Variants in ABCA2 observed in about 807,000 individuals in gnomAD.
ABCA2 encodes ATP-binding cassette sub-family A member 2.
A neutral mutation model predicts 262.8 loss-of-function variants in ABCA2; 84 were observed. That is an observed-to-expected ratio of 0.32 (90% CI 0.27 to 0.38). The LOEUF (loss-of-function observed/expected upper bound fraction) is 0.38. ABCA2 is among the 10% of genes least tolerant of loss of function. The pLI is 1.00. For missense variants in ABCA2, 2,662 were observed against 3,405.9 expected (o/e 0.78, Z 5.44); for synonymous variants, 1,696 against 1,502.9 (o/e 1.13, Z -2.97).
Position 137,020,612 on chromosome 9 carries a change from TCCAGAG to T in ABCA2, c.1265+76_1265+81del, listed in dbSNP as rs888041007. 7 of 1,562,296 alleles carry T rather than the reference TCCAGAG, an allele frequency of 4.5e-6. No individual in the cohort carries two copies. In the South Asian group the frequency reaches 7.0e-5, roughly 16 times the overall value. ...ACAGGGCAGGGCGCCAAATGAGACC[TCCAGAG>T]CCAGAGCCTAGATTCAGGGCTCACG... On this transcript the variant is annotated intron_variant, in intron 9 of 48. Coordinates refer to ENST00000341511, the MANE Select transcript of ABCA2 (RefSeq NM_001606.5).
rs1002248853 is a variant in ABCA2, at chr9:137,012,503, C to A, written c.5169G>T (p.Ala1723=). ...TRAPPMVRKI[A]VRRAAQVFYN... is the part of the protein sequence containing the mutation. ...CGCTCACCTGGGCAGCCCTGCGCAC[C>A]GCGATCTTCCGCACCATGGGTGGGG... Residue 1723 remains alanine, a synonymous_variant, in exon 32 of 49, where the codon GCG becomes GCT. Transcript: ENST00000341511. 6.2e-7 allele frequency: 1 copy of A among 1,611,614 alleles called. No individual in the cohort carries two copies.
Position 137,013,289 on chromosome 9 carries a change from TG to T in ABCA2, c.4579del (p.Gln1527SerfsTer4). On this transcript the variant is annotated frameshift_variant, in exon 30 of 49. Transcript: ENST00000341511. LOFTEE classifies it high-confidence loss of function. ...RLRLSPDASP[Q>X]QLVSTFRLPS... Reference sequence around the variant, plus strand: ...CAGCCGGAACGTGCTCACGAGCTGCTGGGGGCTGGCGTCGGGCGATAGCCGC... The same window carrying T: ...CAGCCGGAACGTGCTCACGAGCTGCTGGGGCTGGCGTCGGGCGATAGCCGC... 6.3e-7 allele frequency: 1 copy of T among 1,575,152 alleles called. No homozygotes were observed. Among genetic ancestry groups the T allele is most frequent in the Non-Finnish European group, 8.6e-7 (1 of 1,166,642 alleles).
chr9:137,028,789 G>T, upstream of ABCA2: 1 of 1,293,722 alleles, frequency 7.7e-7, no homozygotes, highest in Non-Finnish European at 1.0e-6. This position sits in a 1 kb window ranked among gnomAD's most constrained non-coding sequence, Gnocchi z 6.9. Context: ...GGGGAAACTC[G>T]AGGCCCCAGG....
At position 137,017,110 on chromosome 9, in the gene ABCA2, C is replaced by A; in HGVS notation, c.2568G>T (p.Thr856=). 5 of 1,612,626 alleles carry A rather than the reference C, an allele frequency of 3.1e-6. No homozygotes were observed. Among genetic ancestry groups the A allele is most frequent in the South Asian group, 1.1e-5 (1 of 91,058 alleles). The change falls in exon 19 of 49, where the codon ACG becomes ACT. Residue 856 remains threonine, a synonymous_variant. Transcript: ENST00000341511. ...ACTTAGAGCCCAGACCAAAGGCCGT[C>A]GTGGACATGAGGGACTGAGAAGGCA... is the stretch of plus-strand genomic sequence containing the variant. The part of the protein sequence containing the change: ...FEKCIASLMS[T]TAFGLGSKYF...
chr9:137,012,625 G>A lies in ABCA2; in HGVS notation c.5082-35C>T, dbSNP rs770361430. The A allele has an allele frequency of 1.9e-6, 3 of 1,609,938 alleles. No homozygotes were observed. The East Asian group carries it at 6.7e-5, about 36-fold the overall frequency. On this transcript the variant is annotated intron_variant, in intron 31 of 48. Transcript: ENST00000341511. Reference sequence around the variant, plus strand: ...CAGGTGGGAGGGGCGGTGAGGCTAGGCAGGCAGTGAGGCTAGAGGGGCAGG... The same window carrying A: ...CAGGTGGGAGGGGCGGTGAGGCTAGACAGGCAGTGAGGCTAGAGGGGCAGG...
At chr9:137,023,742 T>G in intron 3 of ABCA2, 96 bp downstream of exon 3, 2 of 714,476 alleles carry the variant, frequency 2.8e-6, no homozygotes, top group Non-Finnish European at 5.2e-6. Context: ...GGGAGGGCTG[T>G]TAATGCAAGC....
chr9:137,016,629 G>C lies in ABCA2; in HGVS notation c.2868C>G (p.Pro956=). Residue 956 remains proline (P), a synonymous_variant, in exon 20 of 49, where the codon CCC becomes CCG. Transcript: ENST00000341511. ...WEWSWPWART[P]RLSVMEEDQA... ...GGTCCTCCTCCATGACACTGAGGCG[G>C]GGGGTGCGTGCCCACGGCCAGCTCC... 1.9e-6 allele frequency: 3 copies of C among 1,611,392 alleles called. No individual in the cohort carries two copies. The highest frequency in any genetic ancestry group is 2.5e-6 in the Non-Finnish European group (3 of 1,179,524).
chr9:137,014,933 C>G lies in ABCA2; in HGVS notation c.3862G>C (p.Ala1288Pro). The change falls in exon 25 of 49, where the codon GCT becomes CCT. Residue 1288 changes from alanine (A) to proline (P), a missense_variant. Physicochemically the swap from Ala to Pro is conservative, Grantham distance 27. This residue lies in a region of ABCA2 where 297 missense variants were observed against 286.5 expected (regional missense o/e 1.04). Coordinates refer to ENST00000341511, the MANE Select transcript of ABCA2 (RefSeq NM_001606.5). ...CACACCTGGAAGAGGCGCTCGAAAG[C>G]CCCCTTCTTGGCGGCCTCGCTGGGC... ...ILPSEAAKKGAFERLFQHLER... is the reference protein window; with the variant it reads ...ILPSEAAKKGPFERLFQHLER... 6.4e-7 allele frequency: 1 copy of G among 1,567,338 alleles called. No homozygotes were observed. The highest frequency in any genetic ancestry group is 8.7e-7 in the Non-Finnish European group (1 of 1,153,590).
Position 137,022,740 on chromosome 9 carries a change from C to T in ABCA2, c.401G>A (p.Gly134Asp), listed in dbSNP as rs1367044360. 1 of 1,605,646 alleles carries T rather than the reference C, an allele frequency of 6.2e-7. No individual in the cohort carries two copies. Among genetic ancestry groups the T allele is most frequent in the South Asian group, 1.1e-5 (1 of 89,664 alleles). ...CAGGTGGCTCCCCGAGGTGCCCGGGCCCGCACTGAGGGCCTCCAGATGCTG... is the reference window on the plus strand; with the variant it reads ...CAGGTGGCTCCCCGAGGTGCCCGGGTCCGCACTGAGGGCCTCCAGATGCTG... ...LRQHLEALSA[G>D]PGTSGSHLDR... is the part of the protein sequence containing the mutation. Residue 134 changes from glycine (G) to aspartate (D), a missense_variant, in exon 5 of 49, where the codon GGC becomes GAC. Physicochemically the swap from Gly to Asp is moderately conservative, Grantham distance 94. Transcript: ENST00000341511.
chr9:137,023,742 T>C, intron 3 of ABCA2, 96 bp downstream of exon 3: 3 of 714,476 alleles, frequency 4.2e-6, no homozygotes, highest in Middle Eastern at 6.2e-4. Context: ...GGGAGGGCTG[T>C]TAATGCAAGC....
intron 10 of ABCA2, 173 bp downstream of exon 10, chr9:137,020,163 A>AT: frequency 1.2e-6 from 1 of 832,270 alleles, no homozygotes; most frequent in Non-Finnish European, 1.8e-6. Context: ...GAGCTCCCGA[A>AT]AGGAAAAGCG....
Position 137,017,525 on chromosome 9 carries a change from G to A in ABCA2, c.2379C>T (p.Tyr793=), listed in dbSNP as rs762312117. 3.2e-5 allele frequency: 51 copies of A among 1,609,940 alleles called. No homozygotes were observed. Among genetic ancestry groups the A allele is most frequent in the African/African-American group, 5.3e-5 (4 of 74,856 alleles). The stretch of plus-strand genomic sequence containing the variant: ...ACCAGAACATGATGGTGGCCACCGC[G>A]TAGACTGCCAGGAAGAGCCAGATGA... ...VVIIWLFLAV[Y]AVATIMFCFL... is the part of the protein sequence containing the mutation. The change falls in exon 17 of 49, where the codon TAC becomes TAT. Residue 793 remains tyrosine (Y), a synonymous_variant. Coordinates refer to ENST00000341511, the MANE Select transcript of ABCA2 (RefSeq NM_001606.5).
rs1234322611 is a variant in ABCA2 at position 137,028,056 on chromosome 9, G to C, written c.66+19C>G. ...GCGCGCGGCCTCGGGCTGAGGGCGGGCGCGTGGGGTGGGCTCACCGGGCTC... is the reference window on the plus strand; with the variant it reads ...GCGCGCGGCCTCGGGCTGAGGGCGGCCGCGTGGGGTGGGCTCACCGGGCTC... On this transcript the variant is annotated intron_variant, in intron 1 of 48. Transcript: ENST00000341511. This position sits in a 1 kb window ranked among gnomAD's most constrained non-coding sequence, Gnocchi z 6.9. 1 of 982,406 alleles carries C rather than the reference G, an allele frequency of 1.0e-6. No individual in the cohort carries two copies. Among genetic ancestry groups the C allele is most frequent in the East Asian group, 1.1e-4 (1 of 8,894 alleles). 60.9% of individuals were successfully genotyped at this position (982,406 alleles called of 1,614,324 possible). A position where few individuals can be genotyped will look rare whatever the true frequency, so the allele number is the denominator to read the frequency against.
chr9:137,016,046 T>C lies in ABCA2; in HGVS notation c.3233A>G (p.Asp1078Gly), dbSNP rs1831249379. ...GAGGTGTTCCTCCACCGTGAGCCGG[T>C]CAAAGAGCACATTGTGCTGCGGGCA... ...GMCPQHNVLF[D>G]RLTVEEHLWF... Residue 1078 changes from aspartate to glycine, a missense_variant, in exon 22 of 49, where the codon GAC becomes GGC. By Grantham distance (94) the Asp-to-Gly change is moderately conservative. Coordinates refer to ENST00000341511, the MANE Select transcript of ABCA2 (RefSeq NM_001606.5). The C allele has an allele frequency of 6.2e-7, 1 of 1,611,516 alleles. No homozygotes were observed. Among genetic ancestry groups the C allele is most frequent in the Non-Finnish European group, 8.5e-7 (1 of 1,179,620 alleles).
rs775368274 is a variant in ABCA2, at chr9:137,021,009, G to T, written c.950C>A (p.Pro317Gln). ...CCCCAGAAGCGCCTGCAGCCTCCGT[G>T]GGGGTGGCGCCTGTGGCGAGGAGTC... is the stretch of plus-strand genomic sequence containing the variant. ...GSDSSPQAPP[P>Q]RRLQALLGDL... The change falls in exon 9 of 49, where the codon CCA (proline) becomes CAA (glutamine). Residue 317 changes from proline (P) to glutamine (Q), a missense_variant. Transcript: ENST00000341511. This position sits in a 1 kb window ranked among gnomAD's most constrained non-coding sequence, Gnocchi z 6.0. 7.4e-6 allele frequency: 11 copies of T among 1,495,276 alleles called. No homozygotes were observed. Among genetic ancestry groups the T allele is most frequent in the Admixed American group, 2.5e-5 (1 of 39,900 alleles). The allele number at this position is 1,495,276 out of a possible 1,614,324, so 92.6% of individuals were successfully genotyped here.
chr9:137,022,413 T>C lies in ABCA2; in HGVS notation c.505A>G (p.Asn169Asp). 1 of 1,611,880 alleles carries C rather than the reference T, an allele frequency of 6.2e-7. No individual in the cohort carries two copies. Among genetic ancestry groups the C allele is most frequent in the Non-Finnish European group, 8.5e-7 (1 of 1,179,688 alleles). The change falls in exon 6 of 49, where the codon AAC becomes GAC. Residue 169 changes from asparagine (N) to aspartate (D), a missense_variant. Coordinates refer to ENST00000341511, the MANE Select transcript of ABCA2 (RefSeq NM_001606.5). Reference sequence around the variant, plus strand: ...GCCGTGCTATTGGGCAGCGACAAGTTTTGCGTCAGGAAACGCCAGAGCTCC... The same window carrying C: ...GCCGTGCTATTGGGCAGCGACAAGTCTTGCGTCAGGAAACGCCAGAGCTCC... ...PQELWRFLTQ[N>D]LSLPNSTAQA...
rs1210756093 is a variant in ABCA2, at chr9:137,022,793, G to T, written c.348C>A (p.Ser116Arg). The T allele has an allele frequency of 1.3e-6, 2 of 1,593,168 alleles. No homozygotes were observed. Among genetic ancestry groups the T allele is most frequent in the Non-Finnish European group, 1.7e-6 (2 of 1,171,536 alleles). The stretch of plus-strand genomic sequence containing the variant: ...GTAGGGCCTCGAGCTCTGAGCCCAG[G>T]CTGGGCCGCGCTGGGTCAAACAGGT... The part of the protein sequence containing the change: ...EGNLFDPARP[S>R]LGSELEALRQ... The change falls in exon 5 of 49, where the codon AGC becomes AGA. Residue 116 changes from serine (S) to arginine (R), a missense_variant. Coordinates refer to ENST00000341511, the MANE Select transcript of ABCA2 (RefSeq NM_001606.5).
chr9:137,022,676 C>T, intron 5 of ABCA2, 26 bp downstream of exon 5: 1 of 1,597,810 alleles, frequency 6.3e-7, no homozygotes, highest in Non-Finnish European at 8.5e-7. Context: ...CAGCCCTGCC[C>T]CCCAACTTCC....
At chr9:137,015,622 A>G (rs1473491208) in intron 23 of ABCA2, 26 bp from the exon 24 acceptor site, 43 of 1,611,728 alleles carry the variant, frequency 2.7e-5, no homozygotes, top group Non-Finnish European at 3.6e-5. Context: ...ACCCAGGGTC[A>G]GGGGGCAGGG....
Sources: gnomAD v4.1 joint callset for allele counts on GRCh38, gnomAD v4.1.1 for gene constraint, gnomAD v4.1.1 regional missense constraint, Gnocchi (gnomAD v3.1) non-coding constraint, MANE v1.5 for transcripts, NCBI Gene and HGNC (gene_info 2026-07-23, HGNC 2026-07-21) for gene names.